HNRNPA2B1: variants seen among roughly 807,000 people sequenced by gnomAD.
The protein encoded by HNRNPA2B1 is heterogeneous nuclear ribonucleoprotein A2/B1, also known as heterogeneous nuclear ribonucleoproteins A2/B1.
Under a neutral mutation model 46.3 loss-of-function variants are expected in HNRNPA2B1, and 3 were observed. The ratio of observed to expected loss-of-function variants is 0.06; its 90% CI spans 0.03 to 0.17. The LOEUF is 0.17. Among genes scored for constraint, HNRNPA2B1 ranks in the 10% least tolerant of loss-of-function variants. HNRNPA2B1 has a pLI of 1.00. For synonymous variants in HNRNPA2B1, 225 were observed against 133.8 expected (o/e 1.68, Z -4.70); for missense variants, 221 against 418.9 (o/e 0.53, Z 4.12).
rs951126354 is a variant in HNRNPA2B1, at chr7:26,196,930, C to G, written c.352G>C (p.Asp118His). 2 of 1,613,574 alleles carry G rather than the reference C, an allele frequency of 1.2e-6. No homozygotes were observed. The highest frequency in any genetic ancestry group is 2.7e-5 in the African/African-American group (2 of 74,926). Residue 118 changes from aspartate to histidine, a missense_variant, in exon 4 of 11, where the codon GAT (aspartate) becomes CAT (histidine). Physicochemically the swap from Asp to His is moderately conservative, Grantham distance 81. Around this residue, in one of 2 missense-constraint regions of HNRNPA2B1, gnomAD observed 78 missense variants for 218.5 expected, o/e 0.36. Coordinates refer to ENST00000618183, the MANE Select transcript of HNRNPA2B1 (RefSeq NM_002137.4). Reference protein sequence around the residue: ...KEDTEEHHLRDYFEEYGKIDT... With the variant: ...KEDTEEHHLRHYFEEYGKIDT... ...ATTTTTCCATATTCCTCAAAGTAAT[C>G]TCTAAGGTGATGTTCCTCAGTATCT...
At chr7:26,198,966 A>G (rs992317688) in intron 1 of HNRNPA2B1, 1 of 152,222 alleles carries the variant, frequency 6.6e-6, no homozygotes, top group East Asian at 1.9e-4. Flanking sequence ...ACTCGTAAAA[A>G]TTAAAGAAAA....
At chr7:26,194,978 C>T (rs946744189) in intron 7 of HNRNPA2B1, among the ~76,000 whole-genome samples, 1 of 150,726 alleles carries the variant, frequency 6.6e-6, no homozygotes, top group East Asian at 1.9e-4. Flanking sequence ...CCGGTAATCC[C>T]AGCTACTCAG....
chr7:26,197,560 A>C, intron 2 of HNRNPA2B1, 62 bp downstream of exon 2: 1 of 1,558,096 alleles, frequency 6.4e-7, no homozygotes, highest in Non-Finnish European at 8.8e-7. Context: ...TATTTCCTCC[A>C]TGATTCACTT....
intron 1 of HNRNPA2B1, chr7:26,199,019 C>CA (rs1488952856): frequency 2.0e-5 from 3 of 152,156 alleles, no homozygotes; most frequent in Non-Finnish European, 4.4e-5. Flanking sequence ...AGACACAAAG[C>CA]AGTCTTTTGA....
Position 26,200,613 on chromosome 7 carries a change from C to T in HNRNPA2B1, c.-36G>A. Reference sequence around the variant, plus strand: ...GTCGCTTCAGCCCGATTTCCCGCAGCCGAGCGAGATGAGAGAGATCTCCGC... The same window carrying T: ...GTCGCTTCAGCCCGATTTCCCGCAGTCGAGCGAGATGAGAGAGATCTCCGC... On this transcript the variant is annotated 5_prime_UTR_variant, in exon 1 of 11. Coordinates refer to ENST00000618183, the MANE Select transcript of HNRNPA2B1 (RefSeq NM_002137.4). 6.2e-7 allele frequency: 1 copy of T among 1,613,462 alleles called. No homozygotes were observed. The highest frequency in any genetic ancestry group is 8.5e-7 in the Non-Finnish European group (1 of 1,179,976).
intron 1 of HNRNPA2B1, 36 bp from the exon 2 acceptor site, chr7:26,197,768 A>C: frequency 1.2e-6 from 2 of 1,600,196 alleles, no homozygotes; most frequent in Non-Finnish European, 1.7e-6. Flanking sequence ...TTTTATTTAC[A>C]TTTTCCTCTT....
At chr7:26,194,417 G>A (rs1048779673) in intron 7 of HNRNPA2B1, among the ~76,000 whole-genome samples, 4 of 151,722 alleles carry the variant, frequency 2.6e-5, no homozygotes, top group Non-Finnish European at 5.9e-5. Context: ...CAATGTTCTT[G>A]GCTGGGCGCA....
chr7:26,193,133 C>T (rs2128109364), intron 9 of HNRNPA2B1, 118 bp downstream of exon 9: 1 of 966,400 alleles, frequency 1.0e-6, no homozygotes. Context: ...TTCACTAAGA[C>T]CGTACATGGA....
At chr7:26,200,472 TCC>T in intron 1 of HNRNPA2B1, 98 bp downstream of exon 1, 1 of 1,216,238 alleles carries the variant, frequency 8.2e-7, no homozygotes. Context: ...TGGTCCGATT[TCC>T]TGCCTCTCTC....
intron 6 of HNRNPA2B1, among the ~76,000 whole-genome samples, chr7:26,196,121 T>G (rs933707543): frequency 6.6e-6 from 1 of 152,212 alleles, no homozygotes; most frequent in Non-Finnish European, 1.5e-5. Flanking sequence ...ATCTTAGAGA[T>G]TCCATCCTAT....
chr7:26,194,856 G>C (rs1031088826), intron 7 of HNRNPA2B1, among the ~76,000 whole-genome samples: 1 of 151,444 alleles, frequency 6.6e-6, no homozygotes, highest in African/African-American at 2.4e-5. Context: ...GCGTTTTTGG[G>C]AGGCCAAGGT....
chr7:26,200,651 A>C lies in HNRNPA2B1; in HGVS notation c.-74T>G. 6.3e-7 allele frequency: 1 copy of C among 1,595,962 alleles called. No homozygotes were observed. Among genetic ancestry groups the C allele is most frequent in the Non-Finnish European group, 8.6e-7 (1 of 1,165,510 alleles). Reference sequence around the variant, plus strand: ...GAGAGATCTCCGCGGACGAACACGAACCGGACTCGTCCTGGCGCTGTAGTG... The same window carrying C: ...GAGAGATCTCCGCGGACGAACACGACCCGGACTCGTCCTGGCGCTGTAGTG... On this transcript the variant is annotated 5_prime_UTR_variant, in exon 1 of 11. Coordinates refer to ENST00000618183, the MANE Select transcript of HNRNPA2B1 (RefSeq NM_002137.4).
chr7:26,197,986 G>C (rs1416470186), intron 1 of HNRNPA2B1: 25 of 534,712 alleles, frequency 4.7e-5, no homozygotes, highest in Non-Finnish European at 6.8e-5. Flanking sequence ...ATTAATGCTT[G>C]ATATAAATTT....
In HNRNPA2B1 at chr7:26,194,092, C is replaced by T. The variant is rs564462486; in HGVS notation, c.722-398G>A. 3.9e-5 allele frequency among the ~76,000 whole-genome samples: 6 copies of T among 152,258 alleles called. No individual in the cohort carries two copies. In the East Asian group the frequency reaches 9.7e-4, roughly 25 times the overall value. On this transcript the variant is annotated intron_variant, in intron 7 of 10. Transcript: ENST00000618183. ...TTCTATTATGTCTCTCTACGAATTA[C>T]ATATCTTAAAACAATGTTCTCGGTT...
chr7:26,196,775 A>G (rs754786096), intron 4 of HNRNPA2B1, 32 bp downstream of exon 4: 4 of 1,596,538 alleles, frequency 2.5e-6, no homozygotes. Flanking sequence ...ATACACTGGA[A>G]AAAAACAGTA....
Position 26,191,237 on chromosome 7 carries a change from T to G in HNRNPA2B1, c.*1123A>C, listed in dbSNP as rs1428300239. 2 of 152,084 alleles carry G rather than the reference T, an allele frequency of 1.3e-5. No individual in the cohort carries two copies. Among genetic ancestry groups the G allele is most frequent in the Admixed American group, 6.6e-5 (1 of 15,250 alleles). 9.4% of individuals were successfully genotyped at this position (152,084 alleles called of 1,614,324 possible). The stretch of plus-strand genomic sequence containing the variant: ...AAAAGGGAAAAACAACCAAAATAAT[T>G]TAAGTAAATGACAGATTGGAAAACA... On this transcript the variant is annotated 3_prime_UTR_variant, in exon 11 of 11. Transcript: ENST00000618183.
In HNRNPA2B1 at chr7:26,190,042, T is replaced by C. The variant is rs1382159398; in HGVS notation, c.*2318A>G. 6.6e-6 allele frequency: 1 copy of C among 152,566 alleles called. No homozygotes were observed. The highest frequency in any genetic ancestry group is 1.5e-5 in the Non-Finnish European group (1 of 68,030). 9.5% of individuals were successfully genotyped at this position (152,566 alleles called of 1,614,324 possible). On this transcript the variant is annotated 3_prime_UTR_variant, in exon 11 of 11. Coordinates refer to ENST00000618183, the MANE Select transcript of HNRNPA2B1 (RefSeq NM_002137.4). ...AGCTTTGTGAAACTGCTTTTAAAAA[T>C]TTAGGGGATGGTGATCTTTTAGACA...
At position 26,196,767 on chromosome 7, in the gene HNRNPA2B1, A is replaced by C. The variant is rs750554791; in HGVS notation, c.475+40T>G. The C allele has an allele frequency of 6.9e-6, 11 of 1,583,506 alleles. No homozygotes were observed. In the South Asian group the frequency reaches 1.2e-4, roughly 18 times the overall value. On this transcript the variant is annotated intron_variant, in intron 4 of 10. Coordinates refer to ENST00000618183, the MANE Select transcript of HNRNPA2B1 (RefSeq NM_002137.4). The stretch of plus-strand genomic sequence containing the variant: ...GATGTTAACATACACAAAATTGAAT[A>C]CACTGGAAAAAAACAGTACATTTGT...
chr7:26,189,964 C>A lies in HNRNPA2B1; in HGVS notation c.*2396G>T, dbSNP rs1782700372. ...TGAACAGCATTTTATTGGGGACAGC[C>A]AATAATGTCCACAATGCTCTTCTCA... On this transcript the variant is annotated 3_prime_UTR_variant, in exon 11 of 11. Transcript: ENST00000618183. The A allele has an allele frequency of 6.6e-6, 1 of 152,056 alleles. No individual in the cohort carries two copies. Among genetic ancestry groups the A allele is most frequent in the Non-Finnish European group, 1.5e-5 (1 of 67,984 alleles). The allele number at this position is 152,056 out of a possible 1,614,324, so 9.4% of individuals were successfully genotyped here. A position where few individuals can be genotyped will look rare whatever the true frequency, so the allele number is the denominator to read the frequency against.
Sources: allele counts gnomAD v4.1 joint callset (sites outside exome capture counted in the v4.1 genomes callset), GRCh38; gene constraint gnomAD v4.1.1; regional missense constraint gnomAD v4.1.1; transcripts MANE v1.5; gene names NCBI Gene and HGNC (gene_info 2026-07-23, HGNC 2026-07-21).